The following TMEM232 variants were observed in gnomAD, a reference collection of about 807,000 sequenced individuals.
TMEM232 encodes the protein transmembrane protein 232.
A neutral mutation model predicts 78.8 loss-of-function variants in TMEM232; 80 were observed. The ratio of observed to expected loss-of-function variants is 1.01; its 90% CI spans 0.85 to 1.22. The LOEUF is 1.22. Among genes scored for constraint, TMEM232 ranks in the 50% most tolerant of loss-of-function variants. The pLI, the probability that TMEM232 is intolerant of heterozygous loss-of-function variation, is 0.00. For synonymous variants in TMEM232, 297 were observed against 254.3 expected, an observed-to-expected ratio of 1.17 and a Z score of -1.60; for missense variants, 881 against 742.2, an observed-to-expected ratio of 1.19 and a Z score of -2.17.
chr5:110,713,101 G>C (rs1796661441), intron 1 of TMEM232, among the ~76,000 whole-genome samples: 1 of 151,794 alleles, frequency 6.6e-6, no homozygotes, highest in East Asian at 1.9e-4. Flanking sequence ...TCTCTAATTT[G>C]CAACAATATG....
chr5:110,442,366 GCTCA>G (rs1759153390), intron 12 of TMEM232, among the ~76,000 whole-genome samples: 1 of 151,356 alleles, frequency 6.6e-6, no homozygotes. Context: ...CTGTTTTCAA[GCTCA>G]CTAATTCTTT....
At chr5:110,687,397 A>C (rs1349576426) in intron 1 of TMEM232, among the ~76,000 whole-genome samples, 3 of 151,786 alleles carry the variant, frequency 2.0e-5, no homozygotes, top group Non-Finnish European at 4.4e-5. Context: ...CTCTATATTA[A>C]TTTTCTCTCC....
intron 12 of TMEM232, among the ~76,000 whole-genome samples, chr5:110,431,567 G>C (rs1386931226): frequency 6.6e-6 from 1 of 151,292 alleles, no homozygotes; most frequent in East Asian, 1.9e-4. Flanking sequence ...AGGCATACTG[G>C]GCAAATCTCA....
At chr5:110,569,465 A>G (rs1211424924) in intron 10 of TMEM232, among the ~76,000 whole-genome samples, 1 of 151,872 alleles carries the variant, frequency 6.6e-6, no homozygotes, top group East Asian at 1.9e-4. Context: ...GAACTTAGCC[A>G]AAAACCAACA....
At chr5:110,602,549 T>C (rs933658116) in intron 10 of TMEM232, among the ~76,000 whole-genome samples, 2 of 152,046 alleles carry the variant, frequency 1.3e-5, no homozygotes, top group Non-Finnish European at 2.9e-5. Context: ...AAAAAGCTCA[T>C]CATCACTGGT....
chr5:110,450,252 A>G (rs1317790529), intron 12 of TMEM232, among the ~76,000 whole-genome samples: 1 of 152,170 alleles, frequency 6.6e-6, no homozygotes, highest in Non-Finnish European at 1.5e-5. Context: ...GTAGTTCTTT[A>G]TAACAGTGTG....
At chr5:110,700,661 AG>A (rs1458804080) in intron 1 of TMEM232, among the ~76,000 whole-genome samples, 2 of 151,878 alleles carry the variant, frequency 1.3e-5, no homozygotes, top group African/African-American at 4.8e-5. Flanking sequence ...AAGAAAGAAG[AG>A]GTATGGGAGG....
intron 11 of TMEM232, among the ~76,000 whole-genome samples, chr5:110,546,057 T>C (rs1773740704): frequency 6.6e-6 from 1 of 152,132 alleles, no homozygotes; most frequent in South Asian, 2.1e-4. Flanking sequence ...ATTTGTCACA[T>C]GAAGGGCTCA....
intron 10 of TMEM232, among the ~76,000 whole-genome samples, chr5:110,601,417 C>A (rs539821731): frequency 6.6e-6 from 1 of 152,220 alleles, no homozygotes; most frequent in South Asian, 2.1e-4. Context: ...TGGCTCAGCC[C>A]AAAAACTCCT....
rs1456127544 is a variant in TMEM232 at position 110,558,803 on chromosome 5, C to T, written c.1455+9644G>A. Among the ~76,000 whole-genome samples, 4 of 152,174 alleles carry T rather than the reference C, an allele frequency of 2.6e-5. No homozygotes were observed. In the South Asian group the frequency reaches 6.2e-4, roughly 24 times the overall value. On this transcript the variant is annotated intron_variant, in intron 11 of 13. Coordinates refer to ENST00000455884, the MANE Select transcript of TMEM232 (RefSeq NM_001039763.4). ...AACTATCTCTGCCAGCTCAAATGTC[C>T]GTGGGGATTATGGGGTCTCCTGCAG...
At chr5:110,510,391 C>T (rs1235166510) in intron 12 of TMEM232, among the ~76,000 whole-genome samples, 1 of 152,148 alleles carries the variant, frequency 6.6e-6, no homozygotes. Flanking sequence ...AAAGAAGCAC[C>T]TTTGGTATTT....
chr5:110,718,878 G>T (rs896607492), intron 1 of TMEM232, among the ~76,000 whole-genome samples: 2 of 151,892 alleles, frequency 1.3e-5, no homozygotes, highest in Non-Finnish European at 2.9e-5. Context: ...TCAAATCTAT[G>T]ATTGAGACCC....
chr5:110,707,980 G>C (rs1796107987), intron 1 of TMEM232, among the ~76,000 whole-genome samples: 1 of 152,124 alleles, frequency 6.6e-6, no homozygotes, highest in Non-Finnish European at 1.5e-5. Flanking sequence ...GCTAACTAAA[G>C]AGCCCTTGGG....
At chr5:110,706,973 C>G (rs373954191) in intron 1 of TMEM232, among the ~76,000 whole-genome samples, 9 of 152,174 alleles carry the variant, frequency 5.9e-5, no homozygotes, top group African/African-American at 2.2e-4. Flanking sequence ...CTGTCCTCTT[C>G]AAATCTCTAA....
chr5:110,631,895 C>T (rs1351763978), intron 5 of TMEM232, among the ~76,000 whole-genome samples: 3 of 152,052 alleles, frequency 2.0e-5, no homozygotes, highest in African/African-American at 7.2e-5. Context: ...TGGTCCACCA[C>T]TGTCACTATC....
At chr5:110,557,745 A>G (rs946173274) in intron 11 of TMEM232, among the ~76,000 whole-genome samples, 4 of 152,126 alleles carry the variant, frequency 2.6e-5, no homozygotes, top group Non-Finnish European at 5.9e-5. Context: ...ATGGTGTTAA[A>G]CTATTAGAAA....
At position 110,539,022 on chromosome 5, in the gene TMEM232, A is replaced by T. The variant is rs1051272626; in HGVS notation, c.1456-10187T>A. Among the ~76,000 whole-genome samples, 5 of 152,152 alleles carry T rather than the reference A, an allele frequency of 3.3e-5. No individual in the cohort carries two copies. In the East Asian group the frequency reaches 9.6e-4, roughly 29 times the overall value. On this transcript the variant is annotated intron_variant, in intron 11 of 13. Coordinates refer to ENST00000455884, the MANE Select transcript of TMEM232 (RefSeq NM_001039763.4). ...TCTCCAATCCCCCTGTTGGGAAGAG[A>T]TATTATGGTTAAAATAGGGGCACTG...
chr5:110,448,644 G>A (rs1759928679), intron 12 of TMEM232, among the ~76,000 whole-genome samples: 1 of 151,838 alleles, frequency 6.6e-6, no homozygotes, highest in Admixed American at 6.6e-5. Context: ...TTTAAAATAC[G>A]AGAAGATGAA....
chr5:110,698,274 C>T lies in TMEM232; in HGVS notation c.-13+28353G>A, dbSNP rs1367554836. On this transcript the variant is annotated intron_variant, in intron 1 of 13. Transcript: ENST00000455884. ...ACACAGGAAGGGGAACATCACACAC[C>T]AGGGACTGTTGTGGGGTGGGTGGAG... Among the ~76,000 whole-genome samples, 59 of 151,236 alleles carry T rather than the reference C, an allele frequency of 3.9e-4. No homozygotes were observed. In the East Asian group the frequency reaches 9.6e-3, roughly 25 times the overall value.
Sources: allele counts gnomAD v4.1 joint callset (sites outside exome capture counted in the v4.1 genomes callset), GRCh38; gene constraint gnomAD v4.1.1; transcripts MANE v1.5; gene names NCBI Gene and HGNC (gene_info 2026-07-23, HGNC 2026-07-21).